BAIAP2: variants seen among roughly 807,000 people sequenced by gnomAD.
The protein encoded by BAIAP2 is BAR/IMD domain containing adaptor protein 2, also known as BAR/IMD domain-containing adapter protein 2.
BAIAP2 carries 18 observed loss-of-function variants against 63.0 expected under a neutral mutation model. That is an observed-to-expected ratio of 0.29 (90% CI 0.20 to 0.42). BAIAP2 has a LOEUF of 0.42. Among genes scored for constraint, BAIAP2 ranks in the 10% least tolerant of loss-of-function variants. BAIAP2 has a pLI of 1.00. For synonymous variants in BAIAP2, 386 were observed against 307.6 expected (o/e 1.25, Z -2.67); for missense variants, 610 against 734.3 (o/e 0.83, Z 1.96).
chr17:81,057,969 T>TGCGGG lies in BAIAP2; in HGVS notation c.217+3_217+4insCGGGG. On this transcript the variant is annotated splice_region_variant and intron_variant, in intron 3 of 13. Transcript: ENST00000428708. ...AGAGCCAGGGCTCCAAAGAACTCGG[T>TGCGGG]GAGACCCCCCCCCCCCCCCCGCCTG... 1 of 964,856 alleles carries TGCGGG rather than the reference T, an allele frequency of 1.0e-6. No individual in the cohort carries two copies. The highest frequency in any genetic ancestry group is 1.4e-6 in the Non-Finnish European group (1 of 713,580). The allele number at this position is 964,856 out of a possible 1,614,324, so 59.8% of individuals were successfully genotyped here.
At chr17:81,061,583 C>T (rs2050564681) in intron 3 of BAIAP2, among the ~76,000 whole-genome samples, 1 of 152,200 alleles carries the variant, frequency 6.6e-6, no homozygotes, top group South Asian at 2.1e-4. Context: ...GAGCTGCCTT[C>T]CTGCTGCGCG....
chr17:81,070,158 T>G (rs1295037348), intron 3 of BAIAP2, among the ~76,000 whole-genome samples: 1 of 152,180 alleles, frequency 6.6e-6, no homozygotes. Flanking sequence ...AAGAGCTTGC[T>G]TTGTTGCCCA....
intron 13 of BAIAP2, among the ~76,000 whole-genome samples, chr17:81,115,001 C>T (rs566389490): frequency 5.2e-4 from 79 of 152,368 alleles, no homozygotes; most frequent in African/African-American, 1.8e-3. Flanking sequence ...TGCCTGACAT[C>T]CCCCATCCTG....
chr17:81,055,574 G>GTTTTTTGT (rs370775327), intron 2 of BAIAP2, among the ~76,000 whole-genome samples: 10 of 123,406 alleles, frequency 8.1e-5, no homozygotes, highest in African/African-American at 2.9e-4. Flanking sequence ...AGGGTGTTTT[G>GTTTTTTGT]TTTTTTTTTG....
intron 1 of BAIAP2, among the ~76,000 whole-genome samples, chr17:81,039,662 T>G (rs1366729519): frequency 6.6e-6 from 1 of 152,060 alleles, no homozygotes; most frequent in Non-Finnish European, 1.5e-5. Flanking sequence ...GGGCCACCGT[T>G]AGATGGGAGG....
At chr17:81,078,543 A>G (rs1598665695) in intron 3 of BAIAP2, among the ~76,000 whole-genome samples, 1 of 95,118 alleles carries the variant, frequency 1.1e-5, no homozygotes, top group Non-Finnish European at 2.0e-5. Flanking sequence ...ATTGGGTGGG[A>G]GCCGGGCGCT....
chr17:81,044,819 C>T (rs551353314), intron 1 of BAIAP2, among the ~76,000 whole-genome samples: 1 of 152,366 alleles, frequency 6.6e-6, no homozygotes, highest in Non-Finnish European at 1.5e-5. Flanking sequence ...TTCTATTGGA[C>T]GAGCAGTCAG....
intron 6 of BAIAP2, among the ~76,000 whole-genome samples, chr17:81,091,395 C>A (rs373989041): frequency 1.3e-5 from 2 of 152,154 alleles, no homozygotes; most frequent in East Asian, 1.9e-4. Flanking sequence ...CCCAGCTGTT[C>A]TACAGACCAG....
chr17:81,037,355 A>G (rs562507237), intron 1 of BAIAP2, among the ~76,000 whole-genome samples: 2 of 152,366 alleles, frequency 1.3e-5, no homozygotes, highest in Non-Finnish European at 2.9e-5. Flanking sequence ...CTGCTGCTGC[A>G]CACAGGCGGG....
chr17:81,117,098 G>A lies in BAIAP2; in HGVS notation c.*1259G>A, dbSNP rs918794763. The A allele has an allele frequency of 6.6e-6, 1 of 152,284 alleles. No individual in the cohort carries two copies. The highest frequency in any genetic ancestry group is 1.5e-5 in the Non-Finnish European group (1 of 68,100). 9.4% of individuals were successfully genotyped at this position (152,284 alleles called of 1,614,324 possible). A position where few individuals can be genotyped will look rare whatever the true frequency, so the allele number is the denominator to read the frequency against. On this transcript the variant is annotated 3_prime_UTR_variant, in exon 14 of 14. Transcript: ENST00000428708. ...GGCCTGCAGGAAGGGAGACCTGCAG[G>A]GCGCTACCCCTGCGCCCCCACACAC...
At chr17:81,080,660 G>A (rs2054458791) in intron 3 of BAIAP2, among the ~76,000 whole-genome samples, 1 of 152,216 alleles carries the variant, frequency 6.6e-6, no homozygotes, top group Non-Finnish European at 1.5e-5. Flanking sequence ...ATTGTGTGTA[G>A]CCTTTTAGGG....
chr17:81,112,658 C>G (rs2060053643), intron 13 of BAIAP2, among the ~76,000 whole-genome samples: 1 of 152,216 alleles, frequency 6.6e-6, no homozygotes, highest in Non-Finnish European at 1.5e-5. Context: ...GTGCTGTCCG[C>G]CCGGCTCTGG....
intron 3 of BAIAP2, among the ~76,000 whole-genome samples, chr17:81,067,740 A>AGGC (rs1168629080): frequency 6.6e-6 from 1 of 152,128 alleles, no homozygotes; most frequent in Non-Finnish European, 1.5e-5. Flanking sequence ...CGCAGCGGGG[A>AGGC]GGCACCCTCC....
chr17:81,053,382 A>G, intron 1 of BAIAP2: 1 of 448,970 alleles, frequency 2.2e-6, no homozygotes, highest in Non-Finnish European at 4.0e-6. Flanking sequence ...TGCCTGCTGC[A>G]CCATGCAAAT....
At chr17:81,111,405 TCCTGGGGAGAAC>T (rs1286006847) in intron 13 of BAIAP2, among the ~76,000 whole-genome samples, 1 of 152,162 alleles carries the variant, frequency 6.6e-6, no homozygotes, top group Non-Finnish European at 1.5e-5. Context: ...GAGGTCAGGG[TCCTGGGGAGAAC>T]CCTGGGGAGC....
chr17:81,054,682 C>T (rs531848232), intron 2 of BAIAP2, among the ~76,000 whole-genome samples: 38 of 152,284 alleles, frequency 2.5e-4, no homozygotes, highest in African/African-American at 9.1e-4. Context: ...CTCCTTCTCA[C>T]AAAGAGCCGG....
chr17:81,077,786 C>T (rs1376546287), intron 3 of BAIAP2, among the ~76,000 whole-genome samples: 8 of 152,024 alleles, frequency 5.3e-5, no homozygotes, highest in Admixed American at 1.3e-4. Context: ...GGGTGGGAGC[C>T]GGGCGCTGTG....
At chr17:81,049,206 T>G (rs1317877640) in intron 1 of BAIAP2, among the ~76,000 whole-genome samples, 1 of 152,132 alleles carries the variant, frequency 6.6e-6, no homozygotes, top group African/African-American at 2.4e-5. Flanking sequence ...TTGCTCATGG[T>G]GTAGGATTTC....
intron 6 of BAIAP2, among the ~76,000 whole-genome samples, chr17:81,093,473 G>A (rs1245198844): frequency 6.6e-6 from 1 of 152,142 alleles, no homozygotes; most frequent in African/African-American, 2.4e-5. Context: ...GGAGGAGGGA[G>A]GTGAGGCAGG....
Sources: gnomAD v4.1 joint callset for allele counts (sites outside exome capture counted in the v4.1 genomes callset) on GRCh38, gnomAD v4.1.1 for gene constraint, MANE v1.5 for transcripts, NCBI Gene and HGNC (gene_info 2026-07-23, HGNC 2026-07-21) for gene names.